FAM135B: variants seen among roughly 807,000 people sequenced by gnomAD.
FAM135B encodes protein FAM135B.
A neutral mutation model predicts 127.7 loss-of-function variants in FAM135B; 43 were observed. The ratio of observed to expected loss-of-function variants is 0.34; its 90% CI spans 0.26 to 0.43. The LOEUF (loss-of-function observed/expected upper bound fraction) is 0.43, where lower values mean the gene tolerates loss of function less well. FAM135B is among the 20% of genes least tolerant of loss of function. FAM135B has a pLI of 1.00. For missense variants in FAM135B, 1,558 were observed against 1,725.6 expected, an observed-to-expected ratio of 0.90 and a Z score of 1.72; for synonymous variants, 670 against 665.1, an observed-to-expected ratio of 1.01 and a Z score of -0.11.
chr8:138,193,803 T>A (rs1274683230), intron 9 of FAM135B, among the ~76,000 whole-genome samples: 2 of 152,058 alleles, frequency 1.3e-5, no homozygotes, highest in African/African-American at 2.4e-5. Context: ...AAACCTACTA[T>A]GTAGATGAGG....
At chr8:138,427,017 T>C (rs1245831753) in intron 1 of FAM135B, among the ~76,000 whole-genome samples, 1 of 152,008 alleles carries the variant, frequency 6.6e-6, no homozygotes, top group South Asian at 2.1e-4. Flanking sequence ...AATTGCATAA[T>C]AATGTTTGAG....
At chr8:138,224,037 G>A (rs866365833) in intron 7 of FAM135B, among the ~76,000 whole-genome samples, 4 of 151,972 alleles carry the variant, frequency 2.6e-5, no homozygotes, top group South Asian at 2.1e-4. Context: ...ACTAGAGGAC[G>A]GGGGTGGGGG....
At chr8:138,363,067 G>C (rs1830531471) in intron 2 of FAM135B, among the ~76,000 whole-genome samples, 1 of 152,180 alleles carries the variant, frequency 6.6e-6, no homozygotes, top group African/African-American at 2.4e-5. Flanking sequence ...GTATAGCATA[G>C]AATTTTCAAG....
At chr8:138,430,981 C>G (rs1489190623) in intron 1 of FAM135B, among the ~76,000 whole-genome samples, 1 of 152,004 alleles carries the variant, frequency 6.6e-6, no homozygotes, top group Non-Finnish European at 1.5e-5. Context: ...TAATATCATG[C>G]CCACACAGAG....
chr8:138,438,334 T>A (rs1835574567), intron 1 of FAM135B: 1 of 152,146 alleles, frequency 6.6e-6, no homozygotes, highest in Non-Finnish European at 1.5e-5. Context: ...CCTGGAACTC[T>A]CCTTCCTTAG....
At chr8:138,340,623 C>T (rs1291346195) in intron 2 of FAM135B, among the ~76,000 whole-genome samples, 1 of 152,132 alleles carries the variant, frequency 6.6e-6, no homozygotes, top group Non-Finnish European at 1.5e-5. Context: ...CCGACCTGCT[C>T]TTAGAACCCT....
chr8:138,393,850 T>C (rs2131337659), intron 1 of FAM135B, among the ~76,000 whole-genome samples: 2 of 152,196 alleles, frequency 1.3e-5, no homozygotes, highest in Middle Eastern at 6.8e-3. Flanking sequence ...AGAACAAACA[T>C]TCTGATCGAG....
intron 7 of FAM135B, among the ~76,000 whole-genome samples, chr8:138,234,495 GA>G: frequency 6.6e-6 from 1 of 152,108 alleles, no homozygotes; most frequent in Non-Finnish European, 1.5e-5. Context: ...AGTGGATGAA[GA>G]AAAACATATC....
intron 3 of FAM135B, among the ~76,000 whole-genome samples, chr8:138,300,180 AC>A (rs1282686465): frequency 6.6e-6 from 1 of 151,686 alleles, no homozygotes; most frequent in African/African-American, 2.4e-5. Context: ...CAGGACTGTT[AC>A]CCTGAGAACA....
At chr8:138,266,614 T>C (rs1822948824) in intron 3 of FAM135B, among the ~76,000 whole-genome samples, 1 of 148,852 alleles carries the variant, frequency 6.7e-6, no homozygotes, top group African/African-American at 2.5e-5. Context: ...TATGTATATA[T>C]ATGTATATAT....
chr8:138,388,723 T>C (rs1832364983), intron 1 of FAM135B, among the ~76,000 whole-genome samples: 1 of 152,164 alleles, frequency 6.6e-6, no homozygotes, highest in Non-Finnish European at 1.5e-5. Flanking sequence ...AGATGAGTGG[T>C]GACCAAAGAT....
chr8:138,331,002 C>G (rs1053244110), intron 2 of FAM135B, among the ~76,000 whole-genome samples: 3 of 152,064 alleles, frequency 2.0e-5, no homozygotes, highest in African/African-American at 4.8e-5. Flanking sequence ...ACCACCGCAC[C>G]CAGCTAATTT....
intron 7 of FAM135B, among the ~76,000 whole-genome samples, chr8:138,219,751 C>T (rs2130014075): frequency 6.6e-6 from 1 of 152,210 alleles, no homozygotes; most frequent in Non-Finnish European, 1.5e-5. Context: ...TTTCCTATTG[C>T]ATTAGCACGG....
chr8:138,382,248 T>C (rs1247216810), intron 1 of FAM135B, among the ~76,000 whole-genome samples: 1 of 152,168 alleles, frequency 6.6e-6, no homozygotes, highest in Non-Finnish European at 1.5e-5. Context: ...ACGGAGGGCC[T>C]TAACGATGGT....
intron 1 of FAM135B, among the ~76,000 whole-genome samples, chr8:138,468,415 C>T (rs1220289169): frequency 1.3e-4 from 20 of 152,132 alleles, no homozygotes; most frequent in Admixed American, 1.3e-3. Flanking sequence ...TTCACTAATA[C>T]GAAACTTTCA....
intron 12 of FAM135B, among the ~76,000 whole-genome samples, chr8:138,163,825 T>C (rs960892900): frequency 2.6e-5 from 4 of 152,100 alleles, no homozygotes; most frequent in Admixed American, 1.3e-4. Context: ...CTTTTGTTAG[T>C]TGTTTTTTCC....
At chr8:138,185,663 T>G (rs1815484810) in intron 9 of FAM135B, among the ~76,000 whole-genome samples, 1 of 152,180 alleles carries the variant, frequency 6.6e-6, no homozygotes, top group Non-Finnish European at 1.5e-5. Context: ...TGGGAAAGAC[T>G]ACGTGACAAT....
At chr8:138,269,320 A>G (rs1823187003) in intron 3 of FAM135B, among the ~76,000 whole-genome samples, 1 of 152,228 alleles carries the variant, frequency 6.6e-6, no homozygotes, top group Admixed American at 6.5e-5. Flanking sequence ...CAGGGACTCT[A>G]TGCCCAATGC....
At chr8:138,348,303 T>G in intron 2 of FAM135B, among the ~76,000 whole-genome samples, 1 of 151,674 alleles carries the variant, frequency 6.6e-6, no homozygotes, top group East Asian at 1.9e-4. Flanking sequence ...CCCCGCTAAT[T>G]TTTGTATTTT....
Sources: allele counts gnomAD v4.1 joint callset (sites outside exome capture counted in the v4.1 genomes callset), GRCh38; gene constraint gnomAD v4.1.1; transcripts MANE v1.5; gene names NCBI Gene and HGNC (gene_info 2026-07-23, HGNC 2026-07-21).